DPPA4: variants seen among roughly 807,000 people sequenced by gnomAD.
The protein encoded by DPPA4 is developmental pluripotency associated 4.
DPPA4 carries 22 observed loss-of-function variants against 33.7 expected under a neutral mutation model. The ratio of observed to expected loss-of-function variants is 0.65; its 90% CI spans 0.47 to 0.93. DPPA4 has a LOEUF of 0.93. Among genes scored for constraint, DPPA4 ranks in the 40% least tolerant of loss-of-function variants. The probability of loss-of-function intolerance (pLI) is 0.00; values close to 1 mark genes in which losing one functional copy is unlikely to be tolerated. For missense variants in DPPA4, 340 were observed against 358.6 expected (o/e 0.95, Z 0.42); for synonymous variants, 156 against 132.3 (o/e 1.18, Z -1.23).
upstream of DPPA4, among the ~76,000 whole-genome samples, chr3:109,337,819 AAAAAAAC>A (rs147713544): frequency 0.026 from 3,886 of 152,130 alleles, 169 homozygotes; most frequent in African/African-American, 0.089. Flanking sequence ...TCTACGGGGA[AAAAAAAC>A]AAAAAACAAA....
upstream of DPPA4, among the ~76,000 whole-genome samples, chr3:109,339,051 G>A (rs1387682030): frequency 1.3e-5 from 2 of 151,492 alleles, no homozygotes; most frequent in East Asian, 1.9e-4. Context: ...AAAATTAGCC[G>A]GGCATGGTGC....
chr3:109,330,753 C>G lies in DPPA4; in HGVS notation c.450G>C (p.Lys150Asn). ...KIRKSLQKKL[K>N]VEKGETSLQS... ...GCAGGGACGTTTCCCCCTTTTCCAC[C>G]TTTAATTTTTTTTGCAATGATTTCC... is the stretch of plus-strand genomic sequence containing the variant. Residue 150 changes from lysine (K) to asparagine (N), a missense_variant, in exon 5 of 7, where the codon AAG (lysine) becomes AAC (asparagine). Around this residue, in one of 3 missense-constraint regions of DPPA4, gnomAD observed 212 missense variants for 206.5 expected, o/e 1.03. Coordinates refer to ENST00000335658, the MANE Select transcript of DPPA4 (RefSeq NM_018189.4). 2 of 1,613,714 alleles carry G rather than the reference C, an allele frequency of 1.2e-6. No individual in the cohort carries two copies. The highest frequency in any genetic ancestry group is 1.1e-5 in the South Asian group (1 of 90,942).
Position 109,333,870 on chromosome 3 carries a change from C to CTTTACT in DPPA4, c.172_177dup (p.Ser58_Lys59dup). On this transcript the variant is annotated inframe_insertion and splice_region_variant, in exon 2 of 7. Transcript: ENST00000335658. ...ATTTGAGAATTTGAAGACCTCTTACCTTTACTGCCTTTGATAGACATTTTT... is the reference window on the plus strand; with the variant it reads ...ATTTGAGAATTTGAAGACCTCTTACCTTTACTTTTACTGCCTTTGATAGACATTTTT... The CTTTACT allele has an allele frequency of 6.2e-7, 1 of 1,613,874 alleles. No individual in the cohort carries two copies. The highest frequency in any genetic ancestry group is 8.5e-7 in the Non-Finnish European group (1 of 1,179,906).
chr3:109,331,868 C>A lies in DPPA4; in HGVS notation c.339+3G>T, dbSNP rs1407268485. 1.9e-6 allele frequency: 3 copies of A among 1,613,722 alleles called. No individual in the cohort carries two copies. The highest frequency in any genetic ancestry group is 2.5e-6 in the Non-Finnish European group (3 of 1,179,664). ...CAGCACCGTCCCCAGCCTGGGACCTCACCTGGCCTTTGGAGCTCAGCTTCA... is the reference window on the plus strand; with the variant it reads ...CAGCACCGTCCCCAGCCTGGGACCTAACCTGGCCTTTGGAGCTCAGCTTCA... On this transcript the variant is annotated splice_donor_region_variant and intron_variant, in intron 3 of 6. Transcript: ENST00000335658.
chr3:109,339,166 G>C (rs1187143211), upstream of DPPA4, among the ~76,000 whole-genome samples: 2 of 151,962 alleles, frequency 1.3e-5, no homozygotes, highest in Non-Finnish European at 2.9e-5. Context: ...ACTCCAGCCT[G>C]GGTGACAGTG....
intron 1 of DPPA4, among the ~76,000 whole-genome samples, 163 bp downstream of exon 1, chr3:109,337,301 C>T (rs1459372089): frequency 1.3e-5 from 2 of 151,030 alleles, no homozygotes; most frequent in African/African-American, 4.9e-5. Flanking sequence ...TACCAGGCTG[C>T]AATCATATTC....
At chr3:109,329,312 G>A (rs1190759615) in intron 5 of DPPA4, 3 of 492,480 alleles carry the variant, frequency 6.1e-6, no homozygotes, top group Non-Finnish European at 1.1e-5. Context: ...GAGGCGGGTG[G>A]ATCACGAGGT....
chr3:109,333,004 T>C (rs1708114335), intron 2 of DPPA4, among the ~76,000 whole-genome samples: 1 of 152,096 alleles, frequency 6.6e-6, no homozygotes, highest in Non-Finnish European at 1.5e-5. Flanking sequence ...GAGAACTGTT[T>C]GAACCCGGGA....
At chr3:109,330,372 G>T in intron 5 of DPPA4, 152 bp downstream of exon 5, 3 of 766,908 alleles carry the variant, frequency 3.9e-6, no homozygotes, top group South Asian at 1.5e-5. Flanking sequence ...CTCAGGTCCT[G>T]CCCTAGACCT....
At chr3:109,335,768 A>T (rs1166701461) in intron 1 of DPPA4, among the ~76,000 whole-genome samples, 1 of 152,070 alleles carries the variant, frequency 6.6e-6, no homozygotes, top group Admixed American at 6.6e-5. Flanking sequence ...TCTCATAGCA[A>T]TCTGGCAACA....
chr3:109,328,828 A>G, intron 6 of DPPA4, 62 bp downstream of exon 6: 1 of 1,465,726 alleles, frequency 6.8e-7, no homozygotes, highest in Non-Finnish European at 9.3e-7. Flanking sequence ...GTATATCTTA[A>G]CTTTCTGCAA....
intron 4 of DPPA4, among the ~76,000 whole-genome samples, chr3:109,331,285 G>GAAAAGA (rs1319302970): frequency 3.2e-5 from 3 of 92,880 alleles, no homozygotes; most frequent in Non-Finnish European, 6.7e-5. Context: ...AAAAAAAAAA[G>GAAAAGA]AAAGAAAAGA....
chr3:109,337,570 C>T (rs191473353), upstream of DPPA4: 11,389 of 1,553,396 alleles, frequency 7.3e-3, 80 homozygotes, highest in Admixed American at 7.3e-3. Context: ...TCTCCTCCCA[C>T]TTCCTGCCGC....
Position 109,330,644 on chromosome 3 carries a change from C to T in DPPA4, c.559G>A (p.Glu187Lys). 6.2e-7 allele frequency: 1 copy of T among 1,614,156 alleles called. No homozygotes were observed. The highest frequency in any genetic ancestry group is 8.5e-7 in the Non-Finnish European group (1 of 1,180,038). Residue 187 changes from glutamate (E) to lysine (K), a missense_variant, in exon 5 of 7, where the codon GAG becomes AAG. By Grantham distance (56) the Glu-to-Lys change is moderately conservative. Transcript: ENST00000335658. ...GTCACCACAACTGTATTAACTCCCT[C>T]AAGGAGAGCAGTGGAATTTTCCAGG... Reference protein sequence around the residue: ...PALENSTALLEGVNTVVVTTS... With the variant: ...PALENSTALLKGVNTVVVTTS...
intron 5 of DPPA4, chr3:109,329,413 T>C (rs1481168863): frequency 1.7e-5 from 4 of 237,326 alleles, no homozygotes; most frequent in Non-Finnish European, 2.5e-5. Flanking sequence ...CGGGGGCCTG[T>C]AGTCCCAGCT....
intron 1 of DPPA4, among the ~76,000 whole-genome samples, chr3:109,334,314 A>G (rs1473579415): frequency 6.6e-6 from 1 of 152,214 alleles, no homozygotes; most frequent in African/African-American, 2.4e-5. Context: ...TAGGAGGCCT[A>G]GGCAAGAGGA....
intron 2 of DPPA4, among the ~76,000 whole-genome samples, chr3:109,332,787 T>C (rs975148453): frequency 6.6e-6 from 1 of 152,170 alleles, no homozygotes; most frequent in East Asian, 1.9e-4. Flanking sequence ...TCACATACCT[T>C]GTCTTCATTC....
At position 109,327,887 on chromosome 3, in the gene DPPA4, G is replaced by A. The variant is rs1576832780; in HGVS notation, c.*101C>T. 2 of 860,132 alleles carry A rather than the reference G, an allele frequency of 2.3e-6. No individual in the cohort carries two copies. Among genetic ancestry groups the A allele is most frequent in the South Asian group, 1.4e-5 (1 of 70,244 alleles). 53.3% of individuals were successfully genotyped at this position (860,132 alleles called of 1,614,324 possible). On this transcript the variant is annotated 3_prime_UTR_variant, in exon 7 of 7. Transcript: ENST00000335658. ...CACCAGTCTGCATGGCCCATAAACA[G>A]GTGCAGAGGACCAGAGTTCACCTGT...
In DPPA4 at chr3:109,328,986, T is replaced by C; in HGVS notation, c.782A>G (p.Gln261Arg). ...GAAGAGTGCACTCACTCTCCCTTCTTGCTTTTCTGGAACCCAGGCTTGACC... is the reference window on the plus strand; with the variant it reads ...GAAGAGTGCACTCACTCTCCCTTCTCGCTTTTCTGGAACCCAGGCTTGACC... ...HAGQAWVPEK[Q>R]EGRVSALFLL... The change falls in exon 6 of 7, where the codon CAA (glutamine) becomes CGA (arginine). Residue 261 changes from glutamine to arginine, a missense_variant. This residue lies in a region of DPPA4 where 212 missense variants were observed against 206.5 expected (regional missense o/e 1.03). Coordinates refer to ENST00000335658, the MANE Select transcript of DPPA4 (RefSeq NM_018189.4). 6.2e-7 allele frequency: 1 copy of C among 1,614,050 alleles called. No homozygotes were observed. Among genetic ancestry groups the C allele is most frequent in the South Asian group, 1.1e-5 (1 of 91,064 alleles).
Sources: gnomAD v4.1 joint callset for allele counts (sites outside exome capture counted in the v4.1 genomes callset) on GRCh38, gnomAD v4.1.1 for gene constraint, gnomAD v4.1.1 regional missense constraint, MANE v1.5 for transcripts, NCBI Gene and HGNC (gene_info 2026-07-23, HGNC 2026-07-21) for gene names.